ZFPM1: variants seen among roughly 807,000 people sequenced by gnomAD.
ZFPM1 encodes zinc finger protein ZFPM1.
In ZFPM1, 28 loss-of-function variants were observed where a neutral mutation model predicts 46.3. The ratio of observed to expected loss-of-function variants is 0.60; its 90% CI spans 0.45 to 0.83. The LOEUF is 0.83. Ranked by LOEUF, ZFPM1 falls within the 40% of genes least tolerant of loss-of-function variation. The probability of loss-of-function intolerance (pLI) is 0.00; values close to 1 mark genes in which losing one functional copy is unlikely to be tolerated. For synonymous variants in ZFPM1, 957 were observed against 675.9 expected (o/e 1.42, Z -6.45); for missense variants, 1,878 against 1,432.4 (o/e 1.31, Z -5.02).
At chr16:88,483,689 G>A (rs1567533315) in intron 1 of ZFPM1, among the ~76,000 whole-genome samples, 1 of 152,212 alleles carries the variant, frequency 6.6e-6, no homozygotes, top group Non-Finnish European at 1.5e-5. Flanking sequence ...GCAGTGTTCA[G>A]CGATCTGGTG....
At chr16:88,519,684 AGGGT>A (rs1567549513) in intron 4 of ZFPM1, among the ~76,000 whole-genome samples, 2 of 8,548 alleles carry the variant, frequency 2.3e-4, no homozygotes, top group African/African-American at 4.8e-4. Context: ...GATGGATGGG[AGGGT>A]GGGTGGGTGG....
rs1908317227 is a variant in ZFPM1, at chr16:88,469,564, C to G, written c.40+15886C>G. Among the ~76,000 whole-genome samples, 4 of 152,144 alleles carry G rather than the reference C, an allele frequency of 2.6e-5. No homozygotes were observed. The highest frequency in any genetic ancestry group is 2.0e-4 in the Admixed American group (3 of 15,280). On this transcript the variant is annotated intron_variant, in intron 1 of 9. Coordinates refer to ENST00000319555, the MANE Select transcript of ZFPM1 (RefSeq NM_153813.3). The surrounding 1 kb of genome is among the most constrained non-coding windows in gnomAD (Gnocchi z 4.3). ...CCATGTCTACAGGGGGCTTAGGACA[C>G]CTTAGGGGGCATGCACCTGTGTTCT...
intron 1 of ZFPM1, chr16:88,468,835 C>A (rs1031229901): frequency 1.3e-5 from 2 of 152,334 alleles, no homozygotes; most frequent in African/African-American, 4.8e-5. Context: ...CAGGGGCTGC[C>A]CTTGACCTGG....
chr16:88,534,299 C>G lies in ZFPM1; in HGVS notation c.2341C>G (p.Leu781Val), dbSNP rs933291110. 8 of 1,252,896 alleles carry G rather than the reference C, an allele frequency of 6.4e-6. No individual in the cohort carries two copies. The African/African-American group carries it at 1.3e-4, about 20-fold the overall frequency. 77.6% of individuals were successfully genotyped at this position (1,252,896 alleles called of 1,614,324 possible). The change falls in exon 10 of 10, where the codon CTC (leucine) becomes GTC (valine). Residue 781 changes from leucine (L) to valine (V), a missense_variant. Transcript: ENST00000319555. ...AAGCGGAAGCGGAAGCGGCCCCGGC[C>G]TCGCCCCTGCGCGCTCGCCCGGCCC... ...PGSGSGSGPG[L>V]APARSPGPAA...
intron 3 of ZFPM1, among the ~76,000 whole-genome samples, chr16:88,507,281 G>A (rs1023687601): frequency 2.0e-5 from 3 of 152,180 alleles, no homozygotes; most frequent in Middle Eastern, 3.4e-3. Flanking sequence ...ATCATCCCCC[G>A]AGCTCTTGGC....
At chr16:88,524,783 G>C (rs1912182220) in intron 4 of ZFPM1, among the ~76,000 whole-genome samples, 1 of 152,252 alleles carries the variant, frequency 6.6e-6, no homozygotes, top group African/African-American at 2.4e-5. Flanking sequence ...GGTGGGTCCA[G>C]AGTGAGCAGG....
At position 88,480,138 on chromosome 16, in the gene ZFPM1, G is replaced by A. The variant is rs113428919; in HGVS notation, c.41-5801G>A. On this transcript the variant is annotated intron_variant, in intron 1 of 9. Transcript: ENST00000319555. This position sits in a 1 kb window ranked among gnomAD's most constrained non-coding sequence, Gnocchi z 4.9. The stretch of plus-strand genomic sequence containing the variant: ...TCCTGCTGTTCCTTTCTCCTGGAGC[G>A]CTTTTCCCTGGACCCGGTGCTGGCA... Among the ~76,000 whole-genome samples, 2 of 152,072 alleles carry A rather than the reference G, an allele frequency of 1.3e-5. No individual in the cohort carries two copies. Among genetic ancestry groups the A allele is most frequent in the Admixed American group, 6.5e-5 (1 of 15,274 alleles).
rs926286034 is a variant in ZFPM1 at position 88,535,876 on chromosome 16, C to T, written c.*897C>T. 5 of 147,730 alleles carry T rather than the reference C, an allele frequency of 3.4e-5. No homozygotes were observed. The highest frequency in any genetic ancestry group is 6.8e-5 in the Admixed American group (1 of 14,614). The allele number at this position is 147,730 out of a possible 1,614,324, so 9.2% of individuals were successfully genotyped here. On this transcript the variant is annotated 3_prime_UTR_variant, in exon 10 of 10. Transcript: ENST00000319555. ...TGACCGCGTTCAGCCACGGTGTCAC[C>T]GTGCCGTTTGCAGCTGGGTGGCTGT... is the stretch of plus-strand genomic sequence containing the variant.
chr16:88,515,520 G>A (rs547547759), intron 4 of ZFPM1, among the ~76,000 whole-genome samples: 1 of 152,368 alleles, frequency 6.6e-6, no homozygotes, highest in South Asian at 2.1e-4. Context: ...GGCGTGGGCA[G>A]GGCTGCAAGC....
At chr16:88,468,416 C>T (rs1186821528) in intron 1 of ZFPM1, among the ~76,000 whole-genome samples, 1 of 152,150 alleles carries the variant, frequency 6.6e-6, no homozygotes. Flanking sequence ...AAGTCGCTCT[C>T]AACAGGCCCC....
intron 3 of ZFPM1, among the ~76,000 whole-genome samples, chr16:88,502,677 C>T (rs992673527): frequency 6.6e-6 from 1 of 152,242 alleles, no homozygotes; most frequent in African/African-American, 2.4e-5. Flanking sequence ...TGCCCCAGCG[C>T]CAGCAGCTGC....
chr16:88,508,941 C>T (rs1339243426), intron 3 of ZFPM1, among the ~76,000 whole-genome samples: 1 of 152,220 alleles, frequency 6.6e-6, no homozygotes, highest in East Asian at 1.9e-4. Context: ...GATCAGCAAG[C>T]GAATCCGCAC....
chr16:88,514,343 G>C, intron 3 of ZFPM1, 44 bp from the exon 4 acceptor site: 1 of 1,550,838 alleles, frequency 6.4e-7, no homozygotes, highest in Non-Finnish European at 8.7e-7. Flanking sequence ...GGCTGGACAG[G>C]CCCCAGACCG....
chr16:88,486,831 G>A (rs1203399029), intron 2 of ZFPM1, among the ~76,000 whole-genome samples: 1 of 151,570 alleles, frequency 6.6e-6, no homozygotes, highest in Non-Finnish European at 1.5e-5. Flanking sequence ...GGTGCTGGGT[G>A]CACAGTGGAT....
intron 3 of ZFPM1, among the ~76,000 whole-genome samples, chr16:88,505,819 C>T (rs1266125004): frequency 6.6e-6 from 1 of 152,108 alleles, no homozygotes; most frequent in Non-Finnish European, 1.5e-5. Context: ...ACATAGGGCA[C>T]GAGGCCCACC....
intron 3 of ZFPM1, among the ~76,000 whole-genome samples, chr16:88,489,971 G>A (rs58374772): frequency 0.024 from 3,690 of 151,732 alleles, 179 homozygotes; most frequent in African/African-American, 0.085. Flanking sequence ...GGTGGGGGTC[G>A]CAAGGTCCCC....
chr16:88,514,275 C>G, intron 3 of ZFPM1, 112 bp from the exon 4 acceptor site: 1 of 1,491,062 alleles, frequency 6.7e-7, no homozygotes, highest in Non-Finnish European at 8.9e-7. Context: ...GCCATTCACC[C>G]CAGGCCCCCA....
chr16:88,497,471 G>C lies in ZFPM1; in HGVS notation c.268+8318G>C, dbSNP rs1243159074. 4.7e-5 allele frequency among the ~76,000 whole-genome samples: 5 copies of C among 107,168 alleles called. No homozygotes were observed. In the East Asian group the frequency reaches 1.5e-3, roughly 33 times the overall value. The allele number at this position is 107,168 out of a possible 152,430, so 70.3% of individuals were successfully genotyped here. On this transcript the variant is annotated intron_variant, in intron 3 of 9. Coordinates refer to ENST00000319555, the MANE Select transcript of ZFPM1 (RefSeq NM_153813.3). This position sits in a 1 kb window ranked among gnomAD's most constrained non-coding sequence, Gnocchi z 5.4. ...TGGGGTTCAGAGGGGTCAGGGTGGGGCTCAGGGCCCGGGCGGGGATGGGGT... is the reference window on the plus strand; with the variant it reads ...TGGGGTTCAGAGGGGTCAGGGTGGGCCTCAGGGCCCGGGCGGGGATGGGGT...
At chr16:88,455,430 C>T (rs1156478309) in intron 1 of ZFPM1, among the ~76,000 whole-genome samples, 1 of 152,036 alleles carries the variant, frequency 6.6e-6, no homozygotes, top group African/African-American at 2.4e-5. Context: ...CGGACCCTCC[C>T]TGTCGCTCGC....
Sources: allele counts gnomAD v4.1 joint callset (sites outside exome capture counted in the v4.1 genomes callset), GRCh38; gene constraint gnomAD v4.1.1; non-coding constraint Gnocchi (gnomAD v3.1); transcripts MANE v1.5; gene names NCBI Gene and HGNC (gene_info 2026-07-23, HGNC 2026-07-21).